The following MUSK variants were observed in gnomAD, a reference collection of about 807,000 sequenced individuals.
The protein encoded by MUSK is muscle, skeletal receptor tyrosine-protein kinase.
Under a neutral mutation model 88.7 loss-of-function variants are expected in MUSK, and 55 were observed. That is an observed-to-expected ratio of 0.62 (90% CI 0.50 to 0.78). The LOEUF (loss-of-function observed/expected upper bound fraction) is 0.78. Ranked by LOEUF, MUSK falls within the 30% of genes least tolerant of loss-of-function variation. MUSK has a pLI of 0.00. For missense variants in MUSK, 1,015 were observed against 1,074.3 expected (o/e 0.94, Z 0.77); for synonymous variants, 387 against 391.9 (o/e 0.99, Z 0.15).
At chr9:110,739,446 T>G (rs900067661) in intron 6 of MUSK, among the ~76,000 whole-genome samples, 1 of 152,138 alleles carries the variant, frequency 6.6e-6, no homozygotes, top group African/African-American at 2.4e-5. Context: ...CTCACATAAC[T>G]AGTCTTAGCT....
Position 110,668,939 on chromosome 9 carries a change from T to C in MUSK, c.35T>C (p.Ile12Thr). Residue 12 changes from isoleucine to threonine, a missense_variant, in exon 1 of 15, where the codon ATT (isoleucine) becomes ACT (threonine). Coordinates refer to ENST00000374448, the MANE Select transcript of MUSK (RefSeq NM_005592.4). ...RELVNIPLVH[I>T]LTLVAFSGTE... ...CTCGTCAACATTCCACTGGTACATA[T>C]TCTTACTCTGGTTGCCTTCAGCGGA... The C allele has an allele frequency of 6.2e-7, 1 of 1,613,854 alleles. No individual in the cohort carries two copies. Among genetic ancestry groups the C allele is most frequent in the Non-Finnish European group, 8.5e-7 (1 of 1,179,754 alleles).
At chr9:110,689,691 AGT>A (rs1264520702) in intron 3 of MUSK, among the ~76,000 whole-genome samples, 1 of 60,310 alleles carries the variant, frequency 1.7e-5, no homozygotes, top group Non-Finnish European at 2.7e-5. Flanking sequence ...AACTATATAT[AGT>A]TATATATAAA....
At chr9:110,770,289 A>AAT (rs2077550114) in intron 9 of MUSK, among the ~76,000 whole-genome samples, 1 of 146,360 alleles carries the variant, frequency 6.8e-6, no homozygotes, top group Non-Finnish European at 1.5e-5. Flanking sequence ...TAAGTTATAT[A>AAT]ATACAATTAT....
intron 3 of MUSK, among the ~76,000 whole-genome samples, chr9:110,690,536 A>G (rs1342298469): frequency 6.7e-5 from 6 of 89,534 alleles, no homozygotes; most frequent in Admixed American, 1.6e-4. Context: ...ATAAGTATAT[A>G]TATAAATATA....
intron 7 of MUSK, among the ~76,000 whole-genome samples, chr9:110,755,987 T>TATACATATATATATAC (rs1554750891): frequency 7.6e-6 from 1 of 131,538 alleles, no homozygotes; most frequent in African/African-American, 2.8e-5. Context: ...TACATATATA[T>TATACATATATATATAC]ATATATATAT....
chr9:110,740,691 T>C (rs2077085924), intron 6 of MUSK, among the ~76,000 whole-genome samples: 1 of 152,170 alleles, frequency 6.6e-6, no homozygotes, highest in South Asian at 2.1e-4. Context: ...GAAAGAATGG[T>C]AACCCTGAGG....
chr9:110,729,813 T>A (rs1378627718), intron 5 of MUSK, among the ~76,000 whole-genome samples: 1 of 151,962 alleles, frequency 6.6e-6, no homozygotes, highest in Non-Finnish European at 1.5e-5. Flanking sequence ...CTGGCACTGC[T>A]CCCTTACCAA....
intron 3 of MUSK, among the ~76,000 whole-genome samples, chr9:110,694,079 G>A (rs1323994413): frequency 6.6e-6 from 1 of 151,860 alleles, no homozygotes; most frequent in Non-Finnish European, 1.5e-5. Context: ...AAATGACAGT[G>A]AATGCTTAGA....
chr9:110,735,025 A>G (rs375615468), intron 6 of MUSK, among the ~76,000 whole-genome samples: 3 of 152,264 alleles, frequency 2.0e-5, no homozygotes, highest in African/African-American at 4.8e-5. Flanking sequence ...GTATGGTGTC[A>G]AATGCCATGC....
chr9:110,720,144 T>G (rs1364699775), intron 5 of MUSK, among the ~76,000 whole-genome samples: 1 of 151,772 alleles, frequency 6.6e-6, no homozygotes. Flanking sequence ...AAAAAGCACA[T>G]ATAGACAATC....
At chr9:110,766,784 CTT>C (rs2077491536) in intron 8 of MUSK, among the ~76,000 whole-genome samples, 1 of 152,090 alleles carries the variant, frequency 6.6e-6, no homozygotes, top group South Asian at 2.1e-4. Flanking sequence ...GAGAATATAA[CTT>C]AAGAGTTTTC....
chr9:110,701,437 A>G (rs561946960), intron 5 of MUSK, among the ~76,000 whole-genome samples: 1 of 152,220 alleles, frequency 6.6e-6, no homozygotes, highest in African/African-American at 2.4e-5. Context: ...TAGGTACCAA[A>G]TACACCTATA....
chr9:110,693,552 T>C (rs892727486), intron 3 of MUSK, among the ~76,000 whole-genome samples: 2 of 152,228 alleles, frequency 1.3e-5, no homozygotes, highest in African/African-American at 4.8e-5. Context: ...TGACCAGTTC[T>C]GATTGGTCAG....
chr9:110,803,476 G>A lies in MUSK; in HGVS notation c.*2488G>A, dbSNP rs1303995549. Among the ~76,000 whole-genome samples the A allele has an allele frequency of 6.6e-6, 1 of 152,104 alleles. No homozygotes were observed. The highest frequency in any genetic ancestry group is 1.9e-4 in the East Asian group (1 of 5,178). On this transcript the variant is annotated 3_prime_UTR_variant, in exon 15 of 15. Coordinates refer to ENST00000374448, the MANE Select transcript of MUSK (RefSeq NM_005592.4). ...GCCTACTTTTTGACCAAAAGAGGCC[G>A]AATTCTCAACCACTATACTGTAGAG...
At position 110,768,066 on chromosome 9, in the gene MUSK, T is replaced by C; in HGVS notation, c.1167T>C (p.Thr389=). 6.3e-7 allele frequency: 1 copy of C among 1,598,074 alleles called. No individual in the cohort carries two copies. The highest frequency in any genetic ancestry group is 8.5e-7 in the Non-Finnish European group (1 of 1,170,768). The change falls in exon 9 of 15, where the codon ACT becomes ACC. Residue 389 remains threonine (T), a synonymous_variant. Coordinates refer to ENST00000374448, the MANE Select transcript of MUSK (RefSeq NM_005592.4). ...AGTGCAGTCCTGGAGTAGTGCCTAC[T>C]CCTATTCCCATTTGCAGGTAAAATC... is the stretch of plus-strand genomic sequence containing the variant. ...FQECSPGVVP[T]PIPICREYCL...
At chr9:110,676,066 T>G (rs2076023423) in intron 1 of MUSK, among the ~76,000 whole-genome samples, 1 of 152,082 alleles carries the variant, frequency 6.6e-6, no homozygotes, top group South Asian at 2.1e-4. Flanking sequence ...TCAAACTTTA[T>G]GAATTATAAG....
At chr9:110,726,880 T>C (rs1486560983) in intron 5 of MUSK, among the ~76,000 whole-genome samples, 1 of 152,086 alleles carries the variant, frequency 6.6e-6, no homozygotes, top group East Asian at 1.9e-4. Context: ...GGCCCAGTCA[T>C]GGACCTTCTT....
intron 4 of MUSK, among the ~76,000 whole-genome samples, chr9:110,696,287 A>G (rs1462301001): frequency 6.6e-6 from 1 of 152,026 alleles, no homozygotes; most frequent in Non-Finnish European, 1.5e-5. Flanking sequence ...CAAAAAAAAA[A>G]AAAGTTATTA....
At chr9:110,740,726 G>T (rs750828327) in intron 6 of MUSK, among the ~76,000 whole-genome samples, 37 of 152,102 alleles carry the variant, frequency 2.4e-4, no homozygotes, top group Non-Finnish European at 4.3e-4. Context: ...AAGTTAATTT[G>T]TATACTGCTT....
Sources: allele counts gnomAD v4.1 joint callset (sites outside exome capture counted in the v4.1 genomes callset), GRCh38; gene constraint gnomAD v4.1.1; transcripts MANE v1.5; gene names NCBI Gene and HGNC (gene_info 2026-07-23, HGNC 2026-07-21).